The following DENND1A variants were observed in gnomAD, a reference collection of about 807,000 sequenced individuals.
The protein encoded by DENND1A is DENN domain-containing protein 1A.
DENND1A carries 51 observed loss-of-function variants against 113.7 expected under a neutral mutation model. The observed-to-expected ratio is 0.45, with a 90% CI of 0.36 to 0.57. DENND1A has a LOEUF of 0.57. Among genes scored for constraint, DENND1A ranks in the 20% least tolerant of loss-of-function variants. The pLI is 0.00. For missense variants in DENND1A, 1,258 were observed against 1,395.9 expected (o/e 0.90, Z 1.57); for synonymous variants, 565 against 570.8 (o/e 0.99, Z 0.14).
chr9:123,671,825 G>C (rs548044768), intron 6 of DENND1A, among the ~76,000 whole-genome samples: 1 of 152,292 alleles, frequency 6.6e-6, no homozygotes, highest in East Asian at 1.9e-4. Context: ...TCCAATTATA[G>C]AAAGTTAGAA....
At chr9:123,695,959 TC>T (rs147483997) in intron 5 of DENND1A, among the ~76,000 whole-genome samples, 11,455 of 149,860 alleles carry the variant, frequency 0.076, 482 homozygotes, top group Admixed American at 0.11. Flanking sequence ...TGAACAATTT[TC>T]TTCTTCCTTT....
intron 2 of DENND1A, among the ~76,000 whole-genome samples, chr9:123,803,734 C>T (rs1835077824): frequency 6.6e-6 from 1 of 152,168 alleles, no homozygotes. Flanking sequence ...ACAGATATTT[C>T]TTAAAAGGTC....
At chr9:123,618,604 C>A (rs1483382896) in intron 10 of DENND1A, among the ~76,000 whole-genome samples, 1 of 152,258 alleles carries the variant, frequency 6.6e-6, no homozygotes, top group South Asian at 2.1e-4. Context: ...GGCTCAGAGG[C>A]AGATACAGTA....
intron 12 of DENND1A, among the ~76,000 whole-genome samples, chr9:123,582,123 C>T (rs577703884): frequency 6.6e-6 from 1 of 152,190 alleles, no homozygotes; most frequent in Non-Finnish European, 1.5e-5. Context: ...GACAGCACTG[C>T]CACCCGATAC....
At chr9:123,876,496 AGG>A (rs983358931) in intron 2 of DENND1A, among the ~76,000 whole-genome samples, 2 of 152,126 alleles carry the variant, frequency 1.3e-5, no homozygotes, top group African/African-American at 4.8e-5. Flanking sequence ...GCAGGGGTGA[AGG>A]GTCATAATGT....
intron 2 of DENND1A, among the ~76,000 whole-genome samples, chr9:123,809,722 G>C (rs964139365): frequency 1.3e-5 from 2 of 152,178 alleles, no homozygotes; most frequent in Non-Finnish European, 2.9e-5. Context: ...CCAGGCTGTA[G>C]TGCAGTGGCA....
At chr9:123,449,129 C>A (rs910154652) in intron 18 of DENND1A, among the ~76,000 whole-genome samples, 2 of 152,194 alleles carry the variant, frequency 1.3e-5, no homozygotes, top group African/African-American at 4.8e-5. Flanking sequence ...AATGACTTCA[C>A]CTCTGAACTG....
intron 9 of DENND1A, among the ~76,000 whole-genome samples, chr9:123,634,091 G>C (rs1397122509): frequency 6.6e-6 from 1 of 152,142 alleles, no homozygotes; most frequent in Non-Finnish European, 1.5e-5. Flanking sequence ...ACTGGTTTGG[G>C]TCAAAAGCCT....
intron 1 of DENND1A, among the ~76,000 whole-genome samples, chr9:123,929,195 C>T (rs1426774064): frequency 2.0e-5 from 3 of 152,226 alleles, no homozygotes; most frequent in Admixed American, 6.5e-5. Context: ...AAAGCTAACC[C>T]TCCACCGGGA....
At chr9:123,898,623 A>G (rs530514395) in intron 1 of DENND1A, among the ~76,000 whole-genome samples, 38 of 152,296 alleles carry the variant, frequency 2.5e-4, no homozygotes, top group African/African-American at 8.7e-4. Flanking sequence ...CCCAGCTGAT[A>G]TATGTTTTAC....
chr9:123,905,235 C>T (rs566093944), intron 1 of DENND1A, among the ~76,000 whole-genome samples: 2 of 152,064 alleles, frequency 1.3e-5, no homozygotes, highest in African/African-American at 4.8e-5. Context: ...AACAATGGTA[C>T]CAGCCGCTGC....
intron 19 of DENND1A, among the ~76,000 whole-genome samples, chr9:123,423,107 T>C (rs556073471): frequency 3.5e-4 from 54 of 152,342 alleles, no homozygotes; most frequent in Non-Finnish European, 5.7e-4. Context: ...TTCTGTCAGC[T>C]GCTTCTTCCA....
intron 3 of DENND1A, among the ~76,000 whole-genome samples, chr9:123,788,193 T>G (rs772528935): frequency 6.6e-6 from 1 of 152,188 alleles, no homozygotes; most frequent in East Asian, 1.9e-4. Context: ...TAAGAAGTAA[T>G]CATATTATAA....
At chr9:123,692,490 G>A (rs1174533511) in intron 5 of DENND1A, among the ~76,000 whole-genome samples, 1 of 152,158 alleles carries the variant, frequency 6.6e-6, no homozygotes, top group Non-Finnish European at 1.5e-5. Context: ...AAAAGATGGG[G>A]ATTATAAATG....
intron 21 of DENND1A, among the ~76,000 whole-genome samples, chr9:123,397,636 A>G (rs2043202754): frequency 6.6e-6 from 1 of 152,226 alleles, no homozygotes; most frequent in African/African-American, 2.4e-5. Flanking sequence ...GGCATATTGC[A>G]AGGAAGTTGC....
intron 2 of DENND1A, among the ~76,000 whole-genome samples, chr9:123,816,056 G>A (rs187360671): frequency 7.6e-5 from 11 of 145,538 alleles, no homozygotes; most frequent in East Asian, 4.0e-4. Context: ...GCTGGAGTGC[G>A]GTGGCACAAT....
intron 1 of DENND1A, among the ~76,000 whole-genome samples, chr9:123,921,423 C>A (rs1239541627): frequency 2.0e-5 from 3 of 152,196 alleles, no homozygotes; most frequent in Non-Finnish European, 4.4e-5. Flanking sequence ...TCCTCTCACA[C>A]CCCGGAGTTC....
At chr9:123,403,654 T>C (rs979130767) in intron 20 of DENND1A, 164 bp from the exon 21 acceptor site, 8 of 629,686 alleles carry the variant, frequency 1.3e-5, no homozygotes, top group African/African-American at 1.1e-4. Context: ...CACCATCTAA[T>C]AGGCAGCAGA....
chr9:123,457,221 G>T, intron 15 of DENND1A, 127 bp downstream of exon 15: 1 of 744,326 alleles, frequency 1.3e-6, no homozygotes, highest in Non-Finnish European at 2.3e-6. Context: ...ACATTTCAAG[G>T]CCAAGCTTGA....
Sources: gnomAD v4.1 joint callset for allele counts (sites outside exome capture counted in the v4.1 genomes callset) on GRCh38, gnomAD v4.1.1 for gene constraint, MANE v1.5 for transcripts, NCBI Gene and HGNC (gene_info 2026-07-23, HGNC 2026-07-21) for gene names.